The following LARGE1 variants were observed in gnomAD, a reference collection of about 807,000 sequenced individuals.
The protein encoded by LARGE1 is xylosyl- and glucuronyltransferase LARGE1.
Under a neutral mutation model 87.6 loss-of-function variants are expected in LARGE1, and 43 were observed. The ratio of observed to expected loss-of-function variants is 0.49; its 90% CI spans 0.38 to 0.63. LARGE1 has a LOEUF of 0.63. Among genes scored for constraint, LARGE1 ranks in the 30% least tolerant of loss-of-function variants. The probability of loss-of-function intolerance (pLI) is 0.00; values close to 1 mark genes in which losing one functional copy is unlikely to be tolerated. For synonymous variants in LARGE1, 434 were observed against 394.6 expected (o/e 1.10, Z -1.18); for missense variants, 802 against 1,000.2 (o/e 0.80, Z 2.67).
chr22:33,491,856 C>T (rs2069856981), intron 6 of LARGE1, among the ~76,000 whole-genome samples: 1 of 152,174 alleles, frequency 6.6e-6, no homozygotes, highest in Non-Finnish European at 1.5e-5. Flanking sequence ...GGCTAAATTA[C>T]TATGAAATAA....
the LARGE1 span, among the ~76,000 whole-genome samples, chr22:33,122,282 C>A: frequency 6.6e-6 from 1 of 152,098 alleles, no homozygotes; most frequent in Non-Finnish European, 1.5e-5. Context: ...AATGGTATGG[C>A]CTTGGTTACG....
chr22:33,243,941 T>G lies in LARGE1; in HGVS notation c.1730+60288A>C, dbSNP rs114642447. Among the ~76,000 whole-genome samples the G allele has an allele frequency of 2.2e-3, 336 of 152,316 alleles. 1 individual carries two copies. The highest frequency in any genetic ancestry group is 7.7e-3 in the African/African-American group (321 of 41,580). On this transcript the variant is annotated intron_variant, in intron 11 of 11. Coordinates refer to the LARGE1 transcript ENST00000608642. ...AGTGTAGGTATCATCATTCCAATAG[T>G]AAATAATGTGGTCATTTCACTTTGT...
intron 11 of LARGE1, among the ~76,000 whole-genome samples, chr22:33,306,034 C>T (rs748167057): frequency 7.9e-5 from 12 of 152,104 alleles, no homozygotes; most frequent in Admixed American, 2.0e-4. Flanking sequence ...TTAGTACAGA[C>T]GGGGTTTCAC....
intron 11 of LARGE1, among the ~76,000 whole-genome samples, chr22:33,214,836 C>T (rs571553900): frequency 2.8e-4 from 42 of 152,270 alleles, no homozygotes; most frequent in Non-Finnish European, 5.4e-4. Flanking sequence ...TGCGATGTGG[C>T]TTTATTCCTT....
At chr22:33,772,845 CTGAATGAATGAATGAA>C (rs56761832) in intron 1 of LARGE1, among the ~76,000 whole-genome samples, 6 of 151,258 alleles carry the variant, frequency 4.0e-5, no homozygotes, top group African/African-American at 9.7e-5. Context: ...TGAGTATCTG[CTGAATGAATGAATGAA>C]TGAATGAATG....
chr22:33,184,765 C>G, intron 11 of LARGE1, among the ~76,000 whole-genome samples: 1 of 152,140 alleles, frequency 6.6e-6, no homozygotes, highest in East Asian at 1.9e-4. Context: ...GAACAGACAT[C>G]TCACCAAAGA....
intron 5 of LARGE1, among the ~76,000 whole-genome samples, chr22:33,592,415 T>C (rs73396636): frequency 0.085 from 12,928 of 152,188 alleles, 675 homozygotes; most frequent in African/African-American, 0.14. Flanking sequence ...ACTTATTTCA[T>C]TGGGGTCATG....
intron 10 of LARGE1, among the ~76,000 whole-genome samples, chr22:33,335,033 T>C (rs997983301): frequency 1.3e-5 from 2 of 152,226 alleles, no homozygotes; most frequent in South Asian, 2.1e-4. Flanking sequence ...AGCAGCAGCA[T>C]GGCATGGGAA....
intron 6 of LARGE1, among the ~76,000 whole-genome samples, chr22:33,477,227 C>G (rs949664541): frequency 4.6e-5 from 7 of 152,172 alleles, no homozygotes; most frequent in Non-Finnish European, 1.0e-4. Flanking sequence ...ATCAGGAGAT[C>G]AAGTGACTAT....
intron 2 of LARGE1, among the ~76,000 whole-genome samples, chr22:33,746,114 C>A (rs1168533128): frequency 6.6e-6 from 1 of 152,278 alleles, no homozygotes; most frequent in Admixed American, 6.5e-5. Context: ...TGGTGGCATG[C>A]GCCTGTAGTC....
chr22:33,697,290 G>T (rs567739260), intron 2 of LARGE1, among the ~76,000 whole-genome samples: 30 of 152,124 alleles, frequency 2.0e-4, no homozygotes, highest in Non-Finnish European at 3.7e-4. Flanking sequence ...AGCAGGGTCC[G>T]TAAGGGAGCA....
intron 2 of LARGE1, among the ~76,000 whole-genome samples, chr22:33,705,876 A>T (rs866610320): frequency 6.6e-6 from 1 of 152,250 alleles, no homozygotes; most frequent in Non-Finnish European, 1.5e-5. Context: ...ACGTGCAGGC[A>T]TTGTGTAAGG....
intron 6 of LARGE1, among the ~76,000 whole-genome samples, chr22:33,458,682 C>A (rs1405346603): frequency 6.6e-6 from 1 of 152,078 alleles, no homozygotes; most frequent in African/African-American, 2.4e-5. Flanking sequence ...CCCACCTAGG[C>A]CTCCCAAAGT....
At chr22:33,100,840 ATTTTTT>A in the LARGE1 span, among the ~76,000 whole-genome samples, 1 of 137,274 alleles carries the variant, frequency 7.3e-6, no homozygotes, top group African/African-American at 2.7e-5. Context: ...ATTAACTTCT[ATTTTTT>A]TTTTTTTTTT....
chr22:33,073,965 C>A, the LARGE1 span, among the ~76,000 whole-genome samples: 2 of 152,280 alleles, frequency 1.3e-5, no homozygotes, highest in African/African-American at 4.8e-5. Flanking sequence ...CCTTTCCTAA[C>A]TAGAAGCTTC....
intron 3 of LARGE1, among the ~76,000 whole-genome samples, chr22:33,648,414 AT>A (rs1184932283): frequency 2.6e-5 from 4 of 151,546 alleles, no homozygotes; most frequent in Non-Finnish European, 5.9e-5. Context: ...TTTAGGTTCT[AT>A]GTCATAATAG....
chr22:33,618,324 G>T (rs776902343), intron 4 of LARGE1, among the ~76,000 whole-genome samples: 1 of 152,194 alleles, frequency 6.6e-6, no homozygotes, highest in Non-Finnish European at 1.5e-5. Context: ...TGCAGTAAAA[G>T]CAGCATGGAT....
chr22:33,503,070 G>A (rs2070556124), intron 6 of LARGE1, among the ~76,000 whole-genome samples: 1 of 152,188 alleles, frequency 6.6e-6, no homozygotes, highest in Non-Finnish European at 1.5e-5. Context: ...CAGCATGGCT[G>A]TTTTGTGCAA....
intron 2 of LARGE1, among the ~76,000 whole-genome samples, chr22:33,723,044 CAG>C: frequency 6.6e-6 from 1 of 152,272 alleles, no homozygotes; most frequent in East Asian, 1.9e-4. Context: ...AGCCTTTGAA[CAG>C]GGAGTGGCAC....
Sources: gnomAD v4.1 joint callset for allele counts (sites outside exome capture counted in the v4.1 genomes callset) on GRCh38, gnomAD v4.1.1 for gene constraint, MANE v1.5 for transcripts, NCBI Gene and HGNC (gene_info 2026-07-23, HGNC 2026-07-21) for gene names.